Variants in CNKSR2 observed in about 807,000 individuals in gnomAD.
CNKSR2 encodes CNK homolog protein 2.
Under a neutral mutation model 84.4 loss-of-function variants are expected in CNKSR2, and 14 were observed. The observed-to-expected ratio is 0.17, with a 90% CI of 0.11 to 0.26. The LOEUF is 0.26. CNKSR2 is among the 10% of genes least tolerant of loss of function. The probability of loss-of-function intolerance (pLI) is 1.00; values close to 1 mark genes in which losing one functional copy is unlikely to be tolerated. For synonymous variants in CNKSR2, 275 were observed against 277.9 expected (o/e 0.99, Z 0.10); for missense variants, 485 against 771.2 (o/e 0.63, Z 4.40).
intron 5 of CNKSR2, among the ~76,000 whole-genome samples, chrX:21,487,816 G>A (rs892921020): frequency 4.5e-5 from 5 of 112,252 alleles, no homozygotes; most frequent in African/African-American, 1.6e-4. Context: ...TAAAAATACA[G>A]AGAATGGGAT....
chrX:21,437,424 T>G (rs1001440953), intron 3 of CNKSR2, among the ~76,000 whole-genome samples: 4 of 102,142 alleles, frequency 3.9e-5, no homozygotes, highest in Non-Finnish European at 8.0e-5. Context: ...ATGTAGTTTT[T>G]TTTTTTTTTT....
intron 1 of CNKSR2, among the ~76,000 whole-genome samples, chrX:21,387,133 C>T (rs1295362328): frequency 8.9e-6 from 1 of 112,064 alleles, no homozygotes; most frequent in Non-Finnish European, 1.9e-5. Flanking sequence ...TCAAATGAAG[C>T]TGCTTATTCT....
At chrX:21,555,007 CTT>C (rs368859808) in intron 11 of CNKSR2, among the ~76,000 whole-genome samples, 15 of 95,849 alleles carry the variant, frequency 1.6e-4, no homozygotes, top group Non-Finnish European at 1.3e-4. Context: ...ATCTGTCTTT[CTT>C]TTTTTTTTTT....
chrX:21,583,002 T>C (rs1018779706), intron 13 of CNKSR2, among the ~76,000 whole-genome samples: 2 of 112,175 alleles, frequency 1.8e-5, no homozygotes, highest in Non-Finnish European at 3.8e-5. Flanking sequence ...TGACCTTCTC[T>C]AGATTCTTAC....
chrX:21,513,862 C>A (rs1482798014), intron 8 of CNKSR2, among the ~76,000 whole-genome samples: 2 of 111,561 alleles, frequency 1.8e-5, no homozygotes, highest in Non-Finnish European at 3.8e-5. Context: ...TTAGGTAATT[C>A]ATAAAATTTA....
At chrX:21,476,036 T>G (rs1283076731) in intron 5 of CNKSR2, among the ~76,000 whole-genome samples, 1 of 110,662 alleles carries the variant, frequency 9.0e-6, no homozygotes, top group Non-Finnish European at 1.9e-5. Context: ...CTGAGAGAGC[T>G]GAGGTTGTGA....
chrX:21,635,457 T>C (rs2092667546), intron 20 of CNKSR2, among the ~76,000 whole-genome samples: 1 of 104,972 alleles, frequency 9.5e-6, no homozygotes, highest in Admixed American at 1.1e-4. Context: ...TACACCTATA[T>C]ATATGTATAT....
rs190516056 is a variant in CNKSR2, at chrX:21,412,567, T to G, written c.65-13930T>G. Among the ~76,000 whole-genome samples the G allele has an allele frequency of 7.1e-5, 8 of 112,076 alleles. No homozygotes were observed. In the East Asian group the frequency reaches 2.3e-3, roughly 32 times the overall value. Reference sequence around the variant, plus strand: ...ATTAGGATTGGGTAAGACATCATACTGATGACTTCTATGTAGAATATGCTA... The same window carrying G: ...ATTAGGATTGGGTAAGACATCATACGGATGACTTCTATGTAGAATATGCTA... On this transcript the variant is annotated intron_variant, in intron 1 of 21. Transcript: ENST00000379510.
intron 1 of CNKSR2, among the ~76,000 whole-genome samples, chrX:21,403,385 A>G (rs967493251): frequency 3.6e-5 from 4 of 111,908 alleles, no homozygotes; most frequent in African/African-American, 1.3e-4. Flanking sequence ...GTTTATATAC[A>G]TTAACAAACA....
intron 4 of CNKSR2, among the ~76,000 whole-genome samples, chrX:21,452,066 T>TAATG (rs945323423): frequency 4.2e-4 from 47 of 111,196 alleles, no homozygotes; most frequent in Admixed American, 3.0e-3. Context: ...AGTCTCAATC[T>TAATG]AATGAATGAA....
intron 20 of CNKSR2, among the ~76,000 whole-genome samples, chrX:21,635,127 G>A (rs771993911): frequency 9.2e-6 from 1 of 108,517 alleles, no homozygotes; most frequent in Non-Finnish European, 1.9e-5. Context: ...CTGCTTGTGT[G>A]TGGGGGAGTG....
chrX:21,509,174 A>G (rs1470037536), intron 8 of CNKSR2, among the ~76,000 whole-genome samples: 1 of 112,160 alleles, frequency 8.9e-6, no homozygotes, highest in African/African-American at 3.2e-5. Context: ...ATTAAAAAAG[A>G]TATATGTAAA....
At chrX:21,444,160 G>A (rs985876164) in intron 4 of CNKSR2, among the ~76,000 whole-genome samples, 2 of 111,301 alleles carry the variant, frequency 1.8e-5, no homozygotes, top group Non-Finnish European at 3.8e-5. Flanking sequence ...ACTGCTTAGA[G>A]CACAAATTTG....
chrX:21,401,849 A>G (rs1463079731), intron 1 of CNKSR2, among the ~76,000 whole-genome samples: 1 of 111,725 alleles, frequency 9.0e-6, no homozygotes, highest in South Asian at 3.7e-4. Context: ...TGCTGTGCCT[A>G]TTAAGTGTCA....
In CNKSR2 at chrX:21,434,178, T is replaced by A. The variant is rs932593612; in HGVS notation, c.431+1364T>A. Reference sequence around the variant, plus strand: ...TCTCATTTTCCCTATAATTATAAATTTGCTCAGCCTTGATATCTGCATTTA... The same window carrying A: ...TCTCATTTTCCCTATAATTATAAATATGCTCAGCCTTGATATCTGCATTTA... On this transcript the variant is annotated intron_variant, in intron 3 of 21. Transcript: ENST00000379510. 2.7e-5 allele frequency among the ~76,000 whole-genome samples: 3 copies of A among 111,267 alleles called. No individual in the cohort carries two copies. In the East Asian group the frequency reaches 8.4e-4, roughly 31 times the overall value.
intron 1 of CNKSR2, among the ~76,000 whole-genome samples, chrX:21,387,630 A>C (rs2089988209): frequency 8.9e-6 from 1 of 111,775 alleles, no homozygotes; most frequent in Non-Finnish European, 1.9e-5. Flanking sequence ...TTTTTTCTTC[A>C]ATCAGAACCC....
At chrX:21,424,556 C>T (rs2090540658) in intron 1 of CNKSR2, 1 of 111,487 alleles carries the variant, frequency 9.0e-6, no homozygotes, top group African/African-American at 3.3e-5. Context: ...CCACAGATAC[C>T]AAACTCTGCA....
intron 1 of CNKSR2, among the ~76,000 whole-genome samples, chrX:21,406,105 C>T (rs940030315): frequency 9.0e-6 from 1 of 111,218 alleles, no homozygotes; most frequent in Admixed American, 9.5e-5. Context: ...GGCTGATGAA[C>T]GAGCACTACA....
chrX:21,619,612 G>A (rs781046853), intron 20 of CNKSR2, among the ~76,000 whole-genome samples: 1 of 109,715 alleles, frequency 9.1e-6, no homozygotes, highest in African/African-American at 3.3e-5. Flanking sequence ...GGCTATTTTC[G>A]TTATAATTTT....
Sources: gnomAD v4.1 joint callset for allele counts (sites outside exome capture counted in the v4.1 genomes callset) on GRCh38, gnomAD v4.1.1 for gene constraint, MANE v1.5 for transcripts, NCBI Gene and HGNC (gene_info 2026-07-23, HGNC 2026-07-21) for gene names.